LSAMP: variants seen among roughly 807,000 people sequenced by gnomAD.
LSAMP encodes the protein limbic system associated membrane protein.
Under a neutral mutation model 38.6 loss-of-function variants are expected in LSAMP, and 7 were observed. That is an observed-to-expected ratio of 0.18 (90% confidence interval 0.10 to 0.34). The LOEUF (loss-of-function observed/expected upper bound fraction) is 0.34, where lower values mean the gene tolerates loss of function less well. LSAMP is among the 10% of genes least tolerant of loss of function. The probability of loss-of-function intolerance (pLI) is 1.00; values close to 1 mark genes in which losing one functional copy is unlikely to be tolerated. For missense variants in LSAMP, 313 were observed against 420.0 expected, an observed-to-expected ratio of 0.75 and a Z score of 2.23; for synonymous variants, 154 against 166.8, an observed-to-expected ratio of 0.92 and a Z score of 0.59.
chr3:116,352,786 C>A (rs533473993), intron 1 of LSAMP, among the ~76,000 whole-genome samples: 1 of 152,046 alleles, frequency 6.6e-6, no homozygotes, highest in Non-Finnish European at 1.5e-5. Context: ...CAAGCACTTG[C>A]TGCATTGTAT....
chr3:115,963,961 C>T (rs1375334216), intron 3 of LSAMP, among the ~76,000 whole-genome samples: 3 of 152,104 alleles, frequency 2.0e-5, no homozygotes, highest in Non-Finnish European at 4.4e-5. Context: ...CTATGTTGCC[C>T]AGGCTGTTCT....
At chr3:115,861,832 G>A (rs1314654487) in intron 3 of LSAMP, among the ~76,000 whole-genome samples, 4 of 147,466 alleles carry the variant, frequency 2.7e-5, no homozygotes, top group Non-Finnish European at 5.9e-5. Context: ...GCTAACTGTG[G>A]ATTTAAATTT....
At chr3:115,862,144 G>T (rs1385430628) in intron 3 of LSAMP, among the ~76,000 whole-genome samples, 2 of 152,284 alleles carry the variant, frequency 1.3e-5, no homozygotes, top group Non-Finnish European at 1.5e-5. Flanking sequence ...GACAGAGTCA[G>T]TAACAAACAA....
At chr3:116,396,188 A>C (rs1171275440) in intron 1 of LSAMP, among the ~76,000 whole-genome samples, 4 of 152,192 alleles carry the variant, frequency 2.6e-5, no homozygotes, top group Non-Finnish European at 5.9e-5. Flanking sequence ...GTTATTCACT[A>C]ACAAAAAATC....
At chr3:116,245,415 A>G (rs1312711843) in intron 1 of LSAMP, among the ~76,000 whole-genome samples, 1 of 152,220 alleles carries the variant, frequency 6.6e-6, no homozygotes. Context: ...TTTCCTCATA[A>G]AAATCTCTAT....
chr3:116,078,968 G>A (rs994657361), intron 2 of LSAMP, among the ~76,000 whole-genome samples: 2 of 152,078 alleles, frequency 1.3e-5, no homozygotes, highest in African/African-American at 4.8e-5. Flanking sequence ...GTGCTCCAGG[G>A]CCTCTTAGTG....
intron 1 of LSAMP, among the ~76,000 whole-genome samples, chr3:116,223,144 G>A (rs1050558312): frequency 3.3e-5 from 5 of 152,054 alleles, no homozygotes; most frequent in Admixed American, 6.5e-5. Flanking sequence ...ATTTTTAAGC[G>A]TTTGCTTAAC....
At chr3:116,402,508 A>G (rs1359605609) in intron 1 of LSAMP, among the ~76,000 whole-genome samples, 2 of 151,920 alleles carry the variant, frequency 1.3e-5, no homozygotes, top group Non-Finnish European at 2.9e-5. Flanking sequence ...TCTTCATTCA[A>G]AGTCATTTTA....
Position 115,808,517 on chromosome 3 carries a change from A to G in LSAMP, c.*1800T>C, listed in dbSNP as rs1933702776. On this transcript the variant is annotated 3_prime_UTR_variant, in exon 7 of 7. Coordinates refer to ENST00000490035, the MANE Select transcript of LSAMP (RefSeq NM_002338.5). ...TGTGGTACTCATAAAATTTCTGTCT[A>G]AATTTATTACAAGTTGCCCAGCAAT... The G allele has an allele frequency of 6.6e-6, 1 of 152,152 alleles. No individual in the cohort carries two copies. Among genetic ancestry groups the G allele is most frequent in the South Asian group, 2.1e-4 (1 of 4,830 alleles). 9.4% of individuals were successfully genotyped at this position (152,152 alleles called of 1,614,324 possible).
chr3:116,319,016 G>A (rs1016062008), intron 1 of LSAMP, among the ~76,000 whole-genome samples: 3 of 150,538 alleles, frequency 2.0e-5, no homozygotes, highest in African/African-American at 7.4e-5. Flanking sequence ...GCTTCCTTTA[G>A]TGAGGCAAAA....
intron 2 of LSAMP, among the ~76,000 whole-genome samples, chr3:116,079,631 C>CAAAAA (rs34038261): frequency 3.8e-4 from 33 of 85,934 alleles, no homozygotes; most frequent in African/African-American, 4.7e-4. Context: ...GACTCTGTCT[C>CAAAAA]AAAAAAAAAA....
At chr3:115,836,680 C>T (rs115270507) in intron 6 of LSAMP, among the ~76,000 whole-genome samples, 18,360 of 152,140 alleles carry the variant, frequency 0.12, 2,111 homozygotes, top group African/African-American at 0.31. Context: ...CGAGGGGAGG[C>T]GAGATGTATC....
intron 1 of LSAMP, among the ~76,000 whole-genome samples, chr3:116,391,823 G>T (rs538668534): frequency 1.3e-5 from 2 of 152,258 alleles, no homozygotes; most frequent in East Asian, 3.9e-4. Flanking sequence ...ACCCCCAACT[G>T]ATGGTGTCGG....
In LSAMP at chr3:116,096,314, T is replaced by A. The variant is rs148742249; in HGVS notation, c.156-9758A>T. Among the ~76,000 whole-genome samples, 146 of 152,336 alleles carry A rather than the reference T, an allele frequency of 9.6e-4. 1 individual carries two copies. The highest frequency in any genetic ancestry group is 3.4e-3 in the African/African-American group (142 of 41,578). ...CTTCCATAATTCAAATCTTGGTCATTCATTATGTAGAAAACCCATTTTTGG... is the reference window on the plus strand; with the variant it reads ...CTTCCATAATTCAAATCTTGGTCATACATTATGTAGAAAACCCATTTTTGG... On this transcript the variant is annotated intron_variant, in intron 1 of 6. Coordinates refer to ENST00000490035, the MANE Select transcript of LSAMP (RefSeq NM_002338.5).
At chr3:116,042,928 C>A in intron 2 of LSAMP, among the ~76,000 whole-genome samples, 2 of 152,108 alleles carry the variant, frequency 1.3e-5, no homozygotes, top group Non-Finnish European at 2.9e-5. Flanking sequence ...TGACCCAGTG[C>A]CTTTTTTATC....
chr3:116,349,484 TACAC>T (rs59773081), intron 1 of LSAMP, among the ~76,000 whole-genome samples: 1 of 149,052 alleles, frequency 6.7e-6, no homozygotes, highest in African/African-American at 2.5e-5. Flanking sequence ...CCAAAAAAAC[TACAC>T]ACACACACAC....
chr3:116,278,830 A>G (rs2047087047), intron 1 of LSAMP, among the ~76,000 whole-genome samples: 1 of 151,410 alleles, frequency 6.6e-6, no homozygotes, highest in African/African-American at 2.5e-5. Flanking sequence ...GATATCTGCC[A>G]AATTAAGTGT....
chr3:115,813,108 CTA>C (rs1406964286), intron 6 of LSAMP, among the ~76,000 whole-genome samples: 3 of 151,878 alleles, frequency 2.0e-5, no homozygotes, highest in South Asian at 2.1e-4. Context: ...ACGTGCTATT[CTA>C]TGTTATAATG....
intron 3 of LSAMP, among the ~76,000 whole-genome samples, chr3:115,958,861 A>G (rs1256471201): frequency 6.6e-6 from 1 of 152,154 alleles, no homozygotes; most frequent in Non-Finnish European, 1.5e-5. Context: ...CCCTTGAATG[A>G]GATCTGTTTC....
Sources: gnomAD v4.1 joint callset for allele counts (sites outside exome capture counted in the v4.1 genomes callset) on GRCh38, gnomAD v4.1.1 for gene constraint, MANE v1.5 for transcripts, NCBI Gene and HGNC (gene_info 2026-07-23, HGNC 2026-07-21) for gene names.